ST6GALNAC5: variants seen among roughly 807,000 people sequenced by gnomAD.
ST6GALNAC5 encodes ST6 N-acetylgalactosaminide alpha-2,6-sialyltransferase 5.
Under a neutral mutation model 33.6 loss-of-function variants are expected in ST6GALNAC5, and 27 were observed. That is an observed-to-expected ratio of 0.80 (90% CI 0.59 to 1.11). The LOEUF is 1.11. Among genes scored for constraint, ST6GALNAC5 ranks in the 50% least tolerant of loss-of-function variants. The pLI is 0.00. For synonymous variants in ST6GALNAC5, 194 were observed against 171.2 expected (o/e 1.13, Z -1.04); for missense variants, 428 against 454.0 (o/e 0.94, Z 0.52).
At chr1:76,873,392 G>A (rs1019063370) in intron 2 of ST6GALNAC5, among the ~76,000 whole-genome samples, 2 of 152,110 alleles carry the variant, frequency 1.3e-5, no homozygotes, top group Admixed American at 6.6e-5. Context: ...CCCCCAACTA[G>A]AATCTAAGTA....
At chr1:77,024,775 G>A (rs1651173176) in intron 2 of ST6GALNAC5, among the ~76,000 whole-genome samples, 1 of 152,204 alleles carries the variant, frequency 6.6e-6, no homozygotes, top group African/African-American at 2.4e-5. Flanking sequence ...CCATGGCATG[G>A]CTATTCAGTA....
In ST6GALNAC5 at chr1:77,044,866, G is replaced by A. The variant is rs569498109; in HGVS notation, c.671+253G>A. Among the ~76,000 whole-genome samples, 4 of 152,254 alleles carry A rather than the reference G, an allele frequency of 2.6e-5. No individual in the cohort carries two copies. In the East Asian group the frequency reaches 7.7e-4, roughly 29 times the overall value. On this transcript the variant is annotated intron_variant, in intron 3 of 4. Transcript: ENST00000477717. The stretch of plus-strand genomic sequence containing the variant: ...TTATTTTTGAGGAAGAGGCTACACA[G>A]CTCCTGGCCTTCATTGGTTAAAAGT...
intron 2 of ST6GALNAC5, among the ~76,000 whole-genome samples, chr1:76,997,340 GGAACT>G (rs1273104034): frequency 1.3e-5 from 2 of 152,098 alleles, no homozygotes; most frequent in Non-Finnish European, 2.9e-5. Flanking sequence ...GAAGGATGAA[GGAACT>G]CAATAAGGTT....
intron 4 of ST6GALNAC5, among the ~76,000 whole-genome samples, chr1:77,061,493 A>T (rs1176626139): frequency 6.6e-6 from 1 of 152,198 alleles, no homozygotes; most frequent in East Asian, 1.9e-4. Context: ...TTATACTTAG[A>T]GGAGAGCCCA....
intron 2 of ST6GALNAC5, among the ~76,000 whole-genome samples, chr1:76,956,242 A>T (rs1225546435): frequency 6.6e-6 from 1 of 152,012 alleles, no homozygotes; most frequent in Non-Finnish European, 1.5e-5. Flanking sequence ...AGACCAATAG[A>T]GGAAGCCATA....
intron 2 of ST6GALNAC5, among the ~76,000 whole-genome samples, chr1:76,911,272 C>T (rs906217753): frequency 6.6e-6 from 1 of 152,142 alleles, no homozygotes; most frequent in Non-Finnish European, 1.5e-5. Flanking sequence ...TTGACCCAGG[C>T]TTGCATCCCA....
chr1:77,004,312 G>A (rs1417591384), intron 2 of ST6GALNAC5, among the ~76,000 whole-genome samples: 13 of 148,458 alleles, frequency 8.8e-5, no homozygotes, highest in Admixed American at 4.0e-4. Flanking sequence ...CATTCTTCAC[G>A]TAGTTCTCGA....
chr1:76,905,562 T>A lies in ST6GALNAC5; in HGVS notation c.261+36820T>A, dbSNP rs1213913090. ...CTTGCTCACTAATTATTAAGGAAAATAATTTTTAACTATCAGGACACTGTT... is the reference window on the plus strand; with the variant it reads ...CTTGCTCACTAATTATTAAGGAAAAAAATTTTTAACTATCAGGACACTGTT... On this transcript the variant is annotated intron_variant, in intron 2 of 4. Transcript: ENST00000477717. Among the ~76,000 whole-genome samples the A allele has an allele frequency of 2.0e-5, 3 of 152,318 alleles. No individual in the cohort carries two copies. In the South Asian group the frequency reaches 6.2e-4, roughly 32 times the overall value.
intron 2 of ST6GALNAC5, among the ~76,000 whole-genome samples, chr1:77,040,673 A>G (rs1208211913): frequency 6.6e-6 from 1 of 152,184 alleles, no homozygotes; most frequent in African/African-American, 2.4e-5. Flanking sequence ...AATTAAGGGG[A>G]AAGAGATGCT....
intron 2 of ST6GALNAC5, among the ~76,000 whole-genome samples, chr1:76,893,763 C>T (rs564111182): frequency 2.0e-5 from 3 of 152,262 alleles, no homozygotes; most frequent in South Asian, 2.1e-4. Context: ...CGGGTTCAAG[C>T]GATTCTCCTG....
At chr1:76,914,974 T>A (rs1460167795) in intron 2 of ST6GALNAC5, among the ~76,000 whole-genome samples, 11 of 150,398 alleles carry the variant, frequency 7.3e-5, no homozygotes, top group African/African-American at 1.7e-4. Context: ...GAATCTACAA[T>A]GAACTCAAAC....
intron 4 of ST6GALNAC5, among the ~76,000 whole-genome samples, chr1:77,061,344 C>A (rs911938796): frequency 5.3e-5 from 8 of 152,194 alleles, no homozygotes; most frequent in Non-Finnish European, 1.0e-4. Context: ...GAGCCAAAAA[C>A]ATGACACCCC....
intron 2 of ST6GALNAC5, among the ~76,000 whole-genome samples, chr1:76,916,399 T>G (rs562358394): frequency 6.6e-6 from 1 of 152,340 alleles, no homozygotes; most frequent in East Asian, 1.9e-4. Context: ...AAAAATTCTG[T>G]ATGCCCTATT....
intron 2 of ST6GALNAC5, among the ~76,000 whole-genome samples, chr1:76,933,344 C>T (rs1303299734): frequency 1.3e-5 from 2 of 151,906 alleles, no homozygotes; most frequent in African/African-American, 4.8e-5. Flanking sequence ...TTCTAGGCTC[C>T]AGATAAGGAC....
chr1:76,875,954 C>T (rs1401761893), intron 2 of ST6GALNAC5, among the ~76,000 whole-genome samples: 1 of 152,174 alleles, frequency 6.6e-6, no homozygotes, highest in Non-Finnish European at 1.5e-5. Context: ...ATTCCATGAG[C>T]ATGAGCCCAC....
chr1:77,062,609 G>C (rs1557779275), intron 4 of ST6GALNAC5, among the ~76,000 whole-genome samples: 1 of 152,140 alleles, frequency 6.6e-6, no homozygotes, highest in Non-Finnish European at 1.5e-5. Flanking sequence ...GTGGAGTGGG[G>C]AATGGGAATG....
At chr1:76,916,402 G>C (rs376973617) in intron 2 of ST6GALNAC5, among the ~76,000 whole-genome samples, 16 of 152,214 alleles carry the variant, frequency 1.1e-4, no homozygotes, top group African/African-American at 3.4e-4. Context: ...AATTCTGTAT[G>C]CCCTATTCAA....
intron 2 of ST6GALNAC5, among the ~76,000 whole-genome samples, chr1:76,966,319 TC>T (rs1206171235): frequency 1.3e-5 from 2 of 152,210 alleles, no homozygotes; most frequent in Non-Finnish European, 2.9e-5. Context: ...GTCCTTCACA[TC>T]CCTTGTAAGT....
At chr1:77,000,261 A>T (rs1261826216) in intron 2 of ST6GALNAC5, among the ~76,000 whole-genome samples, 1 of 116,218 alleles carries the variant, frequency 8.6e-6, no homozygotes, top group Non-Finnish European at 2.0e-5. Flanking sequence ...GCATTTTTTC[A>T]TGTGTTTTTT....
Sources: gnomAD v4.1 joint callset for allele counts (sites outside exome capture counted in the v4.1 genomes callset) on GRCh38, gnomAD v4.1.1 for gene constraint, MANE v1.5 for transcripts, NCBI Gene and HGNC (gene_info 2026-07-23, HGNC 2026-07-21) for gene names.